Variants in GUCY2D observed in about 807,000 individuals in gnomAD.
The protein encoded by GUCY2D is guanylate cyclase 2D, retinal, also known as retinal guanylyl cyclase 1.
Under a neutral mutation model 101.3 loss-of-function variants are expected in GUCY2D, and 70 were observed. The ratio of observed to expected loss-of-function variants is 0.69; its 90% CI spans 0.57 to 0.84. The LOEUF is 0.84. GUCY2D is among the 40% of genes least tolerant of loss of function. The pLI is 0.00. For synonymous variants in GUCY2D, 688 were observed against 670.7 expected, an observed-to-expected ratio of 1.03 and a Z score of -0.40; for missense variants, 1,460 against 1,542.5, an observed-to-expected ratio of 0.95 and a Z score of 0.90.
At chr17:8,003,823 G>C (rs745816355) in intron 2 of GUCY2D, 29 bp from the exon 3 acceptor site, 2 of 1,604,888 alleles carry the variant, frequency 1.2e-6, no homozygotes, top group African/African-American at 2.7e-5. Flanking sequence ...GCAGCCGGAC[G>C]GCGCCGCGAG....
At position 8,015,434 on chromosome 17, in the gene GUCY2D, C is replaced by T; in HGVS notation, c.2876C>T (p.Ala959Val). 6.2e-7 allele frequency: 1 copy of T among 1,613,658 alleles called. No individual in the cohort carries two copies. The highest frequency in any genetic ancestry group is 1.1e-5 in the South Asian group (1 of 91,080). Residue 959 changes from alanine to valine, a missense_variant, in exon 15 of 20, where the codon GCC (alanine) becomes GTC (valine). By Grantham distance (64) the Ala-to-Val change is moderately conservative. Around this residue, in one of 3 missense-constraint regions of GUCY2D, gnomAD observed 215 missense variants for 227.9 expected, o/e 0.94. Coordinates refer to ENST00000254854, the MANE Select transcript of GUCY2D (RefSeq NM_000180.4). ...IANMSLDILS[A>V]VGTFRMRHMP... ...AACATGTCACTGGACATCCTCAGTG[C>T]CGTGGGCACTTTCCGCATGCGCCAT...
intron 3 of GUCY2D, among the ~76,000 whole-genome samples, chr17:8,006,005 G>A (rs1260733338): frequency 1.3e-5 from 2 of 152,106 alleles, no homozygotes; most frequent in African/African-American, 4.8e-5. Context: ...ACTATATGCT[G>A]GGCAACCAAC....
At chr17:8,015,625 A>G (rs564461174) in intron 15 of GUCY2D, 118 bp from the exon 16 acceptor site, 1 of 1,182,322 alleles carries the variant, frequency 8.5e-7, no homozygotes, top group Non-Finnish European at 1.2e-6. Context: ...GGATGCACTT[A>G]ACAAGGCTTA....
At position 8,013,812 on chromosome 17, in the gene GUCY2D, A is replaced by C. The variant is rs543370993; in HGVS notation, c.2264-68A>C. ...TCCCACATCTTGGTCTTCAACAGTC[A>C]GGCCAGGGTCAGAGGCAGCCTTTGT... On this transcript the variant is annotated intron_variant, in intron 11 of 19. Transcript: ENST00000254854. The surrounding 1 kb of genome is among the most constrained non-coding windows in gnomAD (Gnocchi z 5.0). The C allele has an allele frequency of 7.1e-6, 10 of 1,400,032 alleles. No individual in the cohort carries two copies. In the South Asian group the frequency reaches 8.1e-5, roughly 11 times the overall value. The allele number at this position is 1,400,032 out of a possible 1,614,324, so 86.7% of individuals were successfully genotyped here.
chr17:8,020,190 G>A lies in GUCY2D; in HGVS notation c.*87G>A, dbSNP rs1406640385. 1 of 150,586 alleles carries A rather than the reference G, an allele frequency of 6.6e-6. No homozygotes were observed. Among genetic ancestry groups the A allele is most frequent in the Non-Finnish European group, 1.5e-5 (1 of 67,984 alleles). 9.3% of individuals were successfully genotyped at this position (150,586 alleles called of 1,614,324 possible). A position where few individuals can be genotyped will look rare whatever the true frequency, so the allele number is the denominator to read the frequency against. ...CCCAGGCACCCCCCTTTGAGGAGGT[G>A]GGGTGAACTGCTCCTTGGCAGGGAT... is the stretch of plus-strand genomic sequence containing the variant. On this transcript the variant is annotated 3_prime_UTR_variant, in exon 20 of 20. Coordinates refer to ENST00000254854, the MANE Select transcript of GUCY2D (RefSeq NM_000180.4).
At chr17:8,012,999 G>C (rs1002232336) in intron 10 of GUCY2D, 104 bp from the exon 11 acceptor site, 1 of 1,025,010 alleles carries the variant, frequency 9.8e-7, no homozygotes, top group African/African-American at 1.6e-5. Context: ...GTCTCAGACC[G>C]GTCTCAGGCT....
intron 4 of GUCY2D, 125 bp downstream of exon 4, chr17:8,006,839 C>G (rs1975754047): frequency 3.2e-6 from 3 of 950,810 alleles, no homozygotes; most frequent in Non-Finnish European, 4.9e-6. Flanking sequence ...CTCCCAGCCT[C>G]TGGCTTGCAC....
rs61749664 is a variant in GUCY2D, at chr17:8,003,168, C to T, written c.121C>T (p.Leu41Phe). 246 of 1,513,028 alleles carry T rather than the reference C, an allele frequency of 1.6e-4. No individual in the cohort carries two copies. The Middle Eastern group carries it at 1.9e-3, about 11-fold the overall frequency. 93.7% of individuals were successfully genotyped at this position (1,513,028 alleles called of 1,614,324 possible). Residue 41 changes from leucine (L) to phenylalanine (F), a missense_variant, in exon 2 of 20, where the codon CTC (leucine) becomes TTC (phenylalanine). By Grantham distance (22) the Leu-to-Phe change is conservative. This residue lies in a region of GUCY2D where 1,196 missense variants were observed against 1,229.6 expected (regional missense o/e 0.97). Transcript: ENST00000254854. ...CCTGCCCCGGCTCCCGCTCCTGCTG[C>T]TCCTGCTTCTGCTGCAGCCCCCCGC... ...RALPRLPLLL[L>F]LLLLQPPALS...
rs1274096103 is a variant in GUCY2D at position 8,015,458 on chromosome 17, A to G, written c.2900A>G (p.His967Arg). 15 of 1,613,622 alleles carry G rather than the reference A, an allele frequency of 9.3e-6. No homozygotes were observed. The highest frequency in any genetic ancestry group is 1.1e-5 in the South Asian group (1 of 91,064). ...GCCGTGGGCACTTTCCGCATGCGCCATATGCCTGAGGTTCCCGTGCGCATC... is the reference window on the plus strand; with the variant it reads ...GCCGTGGGCACTTTCCGCATGCGCCGTATGCCTGAGGTTCCCGTGCGCATC... ...LSAVGTFRMR[H>R]MPEVPVRIRI... Residue 967 changes from histidine (H) to arginine (R), a missense_variant, in exon 15 of 20, where the codon CAT becomes CGT. By Grantham distance (29) the His-to-Arg change is conservative (BLOSUM62 0). Transcript: ENST00000254854.
Position 8,003,474 on chromosome 17 carries a change from G to A in GUCY2D, c.427G>A (p.Ala143Thr). The change falls in exon 2 of 20, where the codon GCC becomes ACC. Residue 143 changes from alanine to threonine, a missense_variant. Transcript: ENST00000254854. Reference protein sequence around the residue: ...CRPAELLAEEAGIALVPWGCP... With the variant: ...CRPAELLAEETGIALVPWGCP... ...GCCAGCCGAGCTGCTCGCCGAAGAA[G>A]CCGGGATCGCGCTGGTGCCCTGGGG... 6.6e-7 allele frequency: 1 copy of A among 1,524,626 alleles called. No individual in the cohort carries two copies. Among genetic ancestry groups the A allele is most frequent in the East Asian group, 2.5e-5 (1 of 39,754 alleles). The allele number at this position is 1,524,626 out of a possible 1,614,324, so 94.4% of individuals were successfully genotyped here. A position where few individuals can be genotyped will look rare whatever the true frequency, so the allele number is the denominator to read the frequency against.
rs61750168 is a variant in GUCY2D, at chr17:8,013,918, C to G, written c.2302C>G (p.Arg768Gly). 6.2e-7 allele frequency: 1 copy of G among 1,613,112 alleles called. No homozygotes were observed. Among genetic ancestry groups the G allele is most frequent in the Non-Finnish European group, 8.5e-7 (1 of 1,179,088 alleles). Residue 768 changes from arginine (R) to glycine (G), a missense_variant, in exon 12 of 20, where the codon CGG (arginine) becomes GGG (glycine). Arg to Gly is a moderately radical substitution (Grantham distance 125). Transcript: ENST00000254854. This position sits in a 1 kb window ranked among gnomAD's most constrained non-coding sequence, Gnocchi z 5.0. Reference protein sequence around the residue: ...QRVRSPPPLCRPLVSMDQAPV... With the variant: ...QRVRSPPPLCGPLVSMDQAPV... ...GGTGCGGAGCCCCCCTCCACTGTGTCGGCCCTTGGTGTCCATGGACCAGGC... is the reference window on the plus strand; with the variant it reads ...GGTGCGGAGCCCCCCTCCACTGTGTGGGCCCTTGGTGTCCATGGACCAGGC...
chr17:8,003,829 G>A, intron 2 of GUCY2D, 23 bp from the exon 3 acceptor site: 2 of 1,607,110 alleles, frequency 1.2e-6, no homozygotes, highest in Non-Finnish European at 1.7e-6. Flanking sequence ...GGACGGCGCC[G>A]CGAGCCAAGC....
intron 19 of GUCY2D, chr17:8,016,839 A>G: frequency 2.4e-6 from 1 of 413,318 alleles, no homozygotes; most frequent in Non-Finnish European, 4.5e-6. Flanking sequence ...GCTTCCGCAG[A>G]AGCCTCACAG....
chr17:8,016,409 C>T (rs2151804213), intron 18 of GUCY2D, 34 bp from the exon 19 acceptor site: 1 of 1,492,860 alleles, frequency 6.7e-7, no homozygotes, highest in Non-Finnish European at 9.1e-7. Context: ...ACGCCCCATT[C>T]CCCTTCCCTG....
rs34598902 is a variant in GUCY2D, at chr17:8,012,594, C to T, written c.2101C>T (p.Pro701Ser). ...AGCACAGAAGGTGCTACCGGAGCCT[C>T]CCAGAGCGGAGGGTAAGAGTCCCCT... The part of the protein sequence containing the change: ...LEAQKVLPEP[P>S]RAEDQLWTAP... The change falls in exon 10 of 20, where the codon CCC (proline) becomes TCC (serine). Residue 701 changes from proline (P) to serine (S), a missense_variant. Transcript: ENST00000254854. 0.034 allele frequency: 54,470 copies of T among 1,613,188 alleles called. 2,099 individuals are homozygous for T. The highest frequency in any genetic ancestry group is 0.21 in the East Asian group (9,318 of 44,874).
intron 6 of GUCY2D, among the ~76,000 whole-genome samples, 199 bp downstream of exon 6, chr17:8,007,727 G>A (rs946988141): frequency 3.3e-5 from 5 of 152,124 alleles, no homozygotes; most frequent in Non-Finnish European, 4.4e-5. Flanking sequence ...CTTTCCTGGC[G>A]GGGAGGTGAA....
rs1403174852 is a variant in GUCY2D at position 8,003,264 on chromosome 17, C to T, written c.217C>T (p.Pro73Ser). 3 of 1,501,552 alleles carry T rather than the reference C, an allele frequency of 2.0e-6. No homozygotes were observed. In the South Asian group the frequency reaches 3.8e-5, roughly 19 times the overall value. 93.0% of individuals were successfully genotyped at this position (1,501,552 alleles called of 1,614,324 possible). Residue 73 changes from proline (P) to serine (S), a missense_variant, in exon 2 of 20, where the codon CCG (proline) becomes TCG (serine). Physicochemically the swap from Pro to Ser is moderately conservative, Grantham distance 74 (BLOSUM62 -1). This residue lies in a region of GUCY2D where 1,196 missense variants were observed against 1,229.6 expected (regional missense o/e 0.97). Transcript: ENST00000254854. ...ACDPIFSRAR[P>S]DLAARLAAAR... ...CGACCCCATCTTCTCTCGGGCTCGC[C>T]CGGACCTGGCCGCCCGCCTGGCCGC...
intron 19 of GUCY2D, among the ~76,000 whole-genome samples, chr17:8,018,733 T>C (rs7501868): frequency 0.63 from 95,836 of 151,880 alleles, 31,516 homozygotes; most frequent in East Asian, 0.94. Context: ...CCAAGATTTT[T>C]TGAACATTCC....
intron 14 of GUCY2D, 91 bp downstream of exon 14, chr17:8,015,142 T>A: frequency 8.4e-7 from 1 of 1,194,970 alleles, no homozygotes. Context: ...CTAGCCTACC[T>A]GCCCAATCAA....
Sources: gnomAD v4.1 joint callset for allele counts (sites outside exome capture counted in the v4.1 genomes callset) on GRCh38, gnomAD v4.1.1 for gene constraint, gnomAD v4.1.1 regional missense constraint, Gnocchi (gnomAD v3.1) non-coding constraint, MANE v1.5 for transcripts, NCBI Gene and HGNC (gene_info 2026-07-23, HGNC 2026-07-21) for gene names.